OSBPL9: variants seen among roughly 807,000 people sequenced by gnomAD.
OSBPL9 encodes oxysterol binding protein like 9.
OSBPL9 carries 40 observed loss-of-function variants against 106.6 expected under a neutral mutation model. The observed-to-expected ratio is 0.38, with a 90% CI of 0.29 to 0.49. OSBPL9 has a LOEUF of 0.49. OSBPL9 is among the 20% of genes least tolerant of loss of function. The probability of loss-of-function intolerance (pLI) is 0.97; values close to 1 mark genes in which losing one functional copy is unlikely to be tolerated. For synonymous variants in OSBPL9, 269 were observed against 295.4 expected (o/e 0.91, Z 0.92); for missense variants, 609 against 887.2 (o/e 0.69, Z 3.98).
At chr1:51,589,407 A>G (rs975654403) in intron 1 of OSBPL9, among the ~76,000 whole-genome samples, 1 of 152,138 alleles carries the variant, frequency 6.6e-6, no homozygotes, top group African/African-American at 2.4e-5. Flanking sequence ...TCAAAATTCA[A>G]TGAATAATGC....
intron 2 of OSBPL9, among the ~76,000 whole-genome samples, chr1:51,603,469 A>G (rs1307432924): frequency 1.3e-5 from 2 of 152,162 alleles, no homozygotes; most frequent in African/African-American, 4.8e-5. Flanking sequence ...ACCTTATGCT[A>G]TTTCATCCTC....
chr1:51,614,135 A>C (rs1644008307), upstream of OSBPL9, among the ~76,000 whole-genome samples: 1 of 152,144 alleles, frequency 6.6e-6, no homozygotes, highest in Non-Finnish European at 1.5e-5. Flanking sequence ...ACCTTTATTA[A>C]ATTGTAATCT....
At chr1:51,664,243 A>C (rs541911434) in intron 2 of OSBPL9, among the ~76,000 whole-genome samples, 1 of 152,238 alleles carries the variant, frequency 6.6e-6, no homozygotes, top group Admixed American at 6.5e-5. Context: ...AATGGAATTG[A>C]TAATTGTGGG....
intron 4 of OSBPL9, among the ~76,000 whole-genome samples, chr1:51,738,220 A>T (rs1273191206): frequency 6.6e-6 from 1 of 152,002 alleles, no homozygotes; most frequent in Non-Finnish European, 1.5e-5. Flanking sequence ...TTGTTCTATA[A>T]GTCAAAGGGT....
intron 3 of OSBPL9, among the ~76,000 whole-genome samples, chr1:51,684,504 G>C (rs1433188618): frequency 6.6e-6 from 1 of 152,106 alleles, no homozygotes; most frequent in Admixed American, 6.6e-5. Flanking sequence ...TATAAAATTT[G>C]TATTTGTCAA....
At chr1:51,534,094 C>T in the OSBPL9 span, among the ~76,000 whole-genome samples, 1 of 151,696 alleles carries the variant, frequency 6.6e-6, no homozygotes. Context: ...GTCCCAGCTA[C>T]TCAGGAGGCT....
upstream of OSBPL9, among the ~76,000 whole-genome samples, chr1:51,576,240 A>G (rs941972658): frequency 6.6e-6 from 1 of 152,168 alleles, no homozygotes; most frequent in African/African-American, 2.4e-5. Context: ...GGTCATGGTA[A>G]TTAGACAGGT....
intron 1 of OSBPL9, among the ~76,000 whole-genome samples, chr1:51,644,591 G>A (rs1366998770): frequency 6.6e-6 from 1 of 152,164 alleles, no homozygotes; most frequent in African/African-American, 2.4e-5. Context: ...GCCTCCCAAA[G>A]TGCTGGGATT....
chr1:51,553,873 T>A, the OSBPL9 span, among the ~76,000 whole-genome samples: 2 of 152,152 alleles, frequency 1.3e-5, no homozygotes, highest in African/African-American at 2.4e-5. Flanking sequence ...AGACAGGGGT[T>A]TCTCCATGCT....
intron 4 of OSBPL9, among the ~76,000 whole-genome samples, chr1:51,738,867 T>C (rs1290845789): frequency 6.6e-6 from 1 of 151,992 alleles, no homozygotes; most frequent in African/African-American, 2.4e-5. Flanking sequence ...CCTGGAGATA[T>C]AGTGGTGAAT....
At chr1:51,651,735 A>C (rs1214074806) in intron 1 of OSBPL9, among the ~76,000 whole-genome samples, 1 of 152,246 alleles carries the variant, frequency 6.6e-6, no homozygotes, top group Non-Finnish European at 1.5e-5. Context: ...AGAAGGAATG[A>C]AAATAATGAT....
the OSBPL9 span, among the ~76,000 whole-genome samples, chr1:51,562,595 T>G: frequency 6.6e-6 from 1 of 152,222 alleles, no homozygotes; most frequent in South Asian, 2.1e-4. Flanking sequence ...TTCTTTCCCT[T>G]TCTTTGAGTT....
At chr1:51,592,983 A>G (rs979424403) in intron 1 of OSBPL9, among the ~76,000 whole-genome samples, 4 of 152,226 alleles carry the variant, frequency 2.6e-5, no homozygotes, top group African/African-American at 9.6e-5. Context: ...CTCATTACAA[A>G]GGATGGCTGA....
chr1:51,705,415 T>A lies in OSBPL9; in HGVS notation c.242-8588T>A, dbSNP rs1390117674. On this transcript the variant is annotated intron_variant, in intron 3 of 23. Transcript: ENST00000428468. ...TATATATATATTTTTTTTTTTTTTT[T>A]TTTTTTTTTTTTTTTGAGACGGAGT... Among the ~76,000 whole-genome samples, 49 of 113,366 alleles carry A rather than the reference T, an allele frequency of 4.3e-4. 1 individual carries two copies. Among genetic ancestry groups the A allele is most frequent in the African/African-American group, 8.5e-4 (23 of 27,044 alleles). The allele number at this position is 113,366 out of a possible 152,430, so 74.4% of individuals were successfully genotyped here. A position where few individuals can be genotyped will look rare whatever the true frequency, so the allele number is the denominator to read the frequency against.
At chr1:51,522,180 C>G in the OSBPL9 span, among the ~76,000 whole-genome samples, 1 of 152,110 alleles carries the variant, frequency 6.6e-6, no homozygotes, top group South Asian at 2.1e-4. Context: ...ATAAGAAAAT[C>G]AAGGAACAAA....
chr1:51,612,250 A>G (rs569583057), upstream of OSBPL9, among the ~76,000 whole-genome samples: 3 of 152,318 alleles, frequency 2.0e-5, no homozygotes, highest in East Asian at 3.9e-4. Context: ...TTGTCTTCTT[A>G]TCTCATCTTG....
chr1:51,571,669 T>G, the OSBPL9 span, among the ~76,000 whole-genome samples: 1 of 151,904 alleles, frequency 6.6e-6, no homozygotes, highest in South Asian at 2.1e-4. Flanking sequence ...CCTGTCTTAA[T>G]CAAAACAAAA....
In OSBPL9 at chr1:51,652,042, G is replaced by GT; in HGVS notation, c.162+2dup. The GT allele has an allele frequency of 6.3e-7, 1 of 1,598,840 alleles. No individual in the cohort carries two copies. The highest frequency in any genetic ancestry group is 1.3e-5 in the African/African-American group (1 of 74,472). On this transcript the variant is annotated splice_donor_variant, in intron 2 of 23. Transcript: ENST00000428468. LOFTEE classifies it high-confidence loss of function. ...TCGCAGAGGATGTGTTAGACTCAGAGTGAGTATTTATTCATTTTTATGAAA... is the reference window on the plus strand; with the variant it reads ...TCGCAGAGGATGTGTTAGACTCAGAGTTGAGTATTTATTCATTTTTATGAAA...
chr1:51,620,568 AG>A (rs1318447085), intron 1 of OSBPL9, among the ~76,000 whole-genome samples: 1 of 152,172 alleles, frequency 6.6e-6, no homozygotes, highest in Non-Finnish European at 1.5e-5. Flanking sequence ...AGGAGAGATT[AG>A]CCGTATGAGC....
Sources: gnomAD v4.1 joint callset for allele counts (sites outside exome capture counted in the v4.1 genomes callset) on GRCh38, gnomAD v4.1.1 for gene constraint, MANE v1.5 for transcripts, NCBI Gene and HGNC (gene_info 2026-07-23, HGNC 2026-07-21) for gene names.